E2F8: variants seen among roughly 807,000 people sequenced by gnomAD.
E2F8 encodes the protein E2F transcription factor 8.
In E2F8, 35 loss-of-function variants were observed where a neutral mutation model predicts 80.8. The ratio of observed to expected loss-of-function variants is 0.43; its 90% CI spans 0.33 to 0.57. The LOEUF is 0.57. Ranked by LOEUF, E2F8 falls within the 20% of genes least tolerant of loss-of-function variation. E2F8 has a pLI of 0.04. For missense variants in E2F8, 975 were observed against 1,056.2 expected, an observed-to-expected ratio of 0.92 and a Z score of 1.07; for synonymous variants, 386 against 395.0, an observed-to-expected ratio of 0.98 and a Z score of 0.27.
chr11:19,236,324 C>G (rs958690998), intron 4 of E2F8, among the ~76,000 whole-genome samples: 4 of 152,208 alleles, frequency 2.6e-5, no homozygotes. Flanking sequence ...ACTCCTGATC[C>G]CTTGATCCTG....
Position 19,230,634 on chromosome 11 carries a change from T to C in E2F8, c.1267A>G (p.Lys423Glu), listed in dbSNP as rs1298794600. The change falls in exon 8 of 13, where the codon AAA becomes GAA. Residue 423 changes from lysine to glutamate, a missense_variant. Physicochemically the swap from Lys to Glu is moderately conservative, Grantham distance 56. Coordinates refer to ENST00000250024, the MANE Select transcript of E2F8 (RefSeq NM_024680.4). ...SAPSSPIKTN[K>E]AESSQNSAPF... The stretch of plus-strand genomic sequence containing the variant: ...CCTGACATTCCTGAAAACATACCTT[T>C]GTTGGTCTTGATAGGGCTACTGGGC... 2.5e-6 allele frequency: 4 copies of C among 1,613,956 alleles called. No individual in the cohort carries two copies. The Admixed American group carries it at 6.7e-5, about 27-fold the overall frequency.
At chr11:19,236,523 G>A (rs1018833622) in intron 4 of E2F8, among the ~76,000 whole-genome samples, 5 of 152,166 alleles carry the variant, frequency 3.3e-5, no homozygotes, top group African/African-American at 4.8e-5. Flanking sequence ...CATAGTAGTA[G>A]AAGATTAATA....
Position 19,234,763 on chromosome 11 carries a change from A to G in E2F8, c.747T>C (p.Pro249=). 1.2e-6 allele frequency: 2 copies of G among 1,612,516 alleles called. No homozygotes were observed. The highest frequency in any genetic ancestry group is 1.7e-6 in the Non-Finnish European group (2 of 1,178,920). ...TCTCACCTGCCCGAAATTCCACTCC[A>G]GGGAGTTCCACAAAACACATGTCTG... The part of the protein sequence containing the change: ...GHPDMCFVEL[P]GVEFRAASVN... The change falls in exon 5 of 13, where the codon CCT becomes CCC. Residue 249 remains proline (P), a synonymous_variant. Transcript: ENST00000250024.
chr11:19,228,917 C>T (rs1052153333), intron 10 of E2F8, among the ~76,000 whole-genome samples: 1 of 152,256 alleles, frequency 6.6e-6, no homozygotes, highest in African/African-American at 2.4e-5. Flanking sequence ...GAAACCAATA[C>T]ATGAACTATA....
rs959724941 is a variant in E2F8 at position 19,237,600 on chromosome 11, G to A, written c.295-130C>T. ...TTCAACAGCTGCAAAGTCTGGATGGGAGAAAAGGTTAGGGGGGCCAGTACA... is the reference window on the plus strand; with the variant it reads ...TTCAACAGCTGCAAAGTCTGGATGGAAGAAAAGGTTAGGGGGGCCAGTACA... On this transcript the variant is annotated intron_variant, in intron 3 of 12. Coordinates refer to ENST00000250024, the MANE Select transcript of E2F8 (RefSeq NM_024680.4). 11 of 1,133,072 alleles carry A rather than the reference G, an allele frequency of 9.7e-6. No individual in the cohort carries two copies. In the South Asian group the frequency reaches 1.6e-4, roughly 17 times the overall value. 70.2% of individuals were successfully genotyped at this position (1,133,072 alleles called of 1,614,324 possible). A position where few individuals can be genotyped will look rare whatever the true frequency, so the allele number is the denominator to read the frequency against.
At chr11:19,232,719 G>T (rs1426276562) in intron 6 of E2F8, among the ~76,000 whole-genome samples, 2 of 152,174 alleles carry the variant, frequency 1.3e-5, no homozygotes, top group African/African-American at 2.4e-5. Flanking sequence ...GGATTCAGAA[G>T]AATTTTATGA....
chr11:19,230,650 G>A lies in E2F8; in HGVS notation c.1251C>T (p.Ser417=). The A allele has an allele frequency of 2.5e-6, 4 of 1,614,156 alleles. No individual in the cohort carries two copies. The highest frequency in any genetic ancestry group is 3.4e-6 in the Non-Finnish European group (4 of 1,180,028). The change falls in exon 8 of 13, where the codon AGC becomes AGT. Residue 417 remains serine, a synonymous_variant. Coordinates refer to ENST00000250024, the MANE Select transcript of E2F8 (RefSeq NM_024680.4). ...ACATACCTTTGTTGGTCTTGATAGG[G>A]CTACTGGGCGCAGAATTTATCTTTC... The part of the protein sequence containing the change: ...DRRKINSAPS[S]PIKTNKAESS...
At chr11:19,230,150 G>A (rs1015153111) in intron 9 of E2F8, 91 bp downstream of exon 9, 176 of 1,495,186 alleles carry the variant, frequency 1.2e-4, no homozygotes, top group Non-Finnish European at 1.5e-4. Flanking sequence ...TCCAGTTCAA[G>A]GCTAGGGCTT....
intron 4 of E2F8, among the ~76,000 whole-genome samples, chr11:19,236,763 A>G (rs531268156): frequency 6.6e-6 from 1 of 152,322 alleles, no homozygotes; most frequent in East Asian, 1.9e-4. Context: ...AGGTACCCCA[A>G]ATTCACCACG....
intron 3 of E2F8, 46 bp from the exon 4 acceptor site, chr11:19,237,516 G>A: frequency 6.3e-7 from 1 of 1,580,780 alleles, no homozygotes; most frequent in Non-Finnish European, 8.6e-7. Context: ...AATAAAGTCT[G>A]ACAGATTTAT....
intron 10 of E2F8, among the ~76,000 whole-genome samples, chr11:19,228,621 A>G (rs1352971804): frequency 6.6e-6 from 1 of 152,224 alleles, no homozygotes; most frequent in African/African-American, 2.4e-5. Context: ...TAAATTCTTT[A>G]CCGATGCGGA....
chr11:19,229,494 T>A lies in E2F8; in HGVS notation c.1853A>T (p.Lys618Ile), dbSNP rs1295403586. Residue 618 changes from lysine to isoleucine, a missense_variant, in exon 10 of 13, where the codon AAA (lysine) becomes ATA (isoleucine). Lys to Ile is a moderately radical substitution (Grantham distance 102). Coordinates refer to ENST00000250024, the MANE Select transcript of E2F8 (RefSeq NM_024680.4). This position sits in a 1 kb window ranked among gnomAD's most constrained non-coding sequence, Gnocchi z 4.3. ...SMLEDSGSKK[K>I]FKEDLKGLEN... ...AAGTCCTTTTAGGTCCTCTTTAAAT[T>A]TCTTTTTGGAACCACTGTCCTCGAG... 2 of 1,614,094 alleles carry A rather than the reference T, an allele frequency of 1.2e-6. No individual in the cohort carries two copies. Among genetic ancestry groups the A allele is most frequent in the African/African-American group, 2.7e-5 (2 of 75,018 alleles).
At chr11:19,240,047 T>A (rs1270287771) in intron 2 of E2F8, 60 bp downstream of exon 2, 4 of 1,366,250 alleles carry the variant, frequency 2.9e-6, no homozygotes, top group Non-Finnish European at 3.9e-6. Flanking sequence ...AATTATGGAG[T>A]TAAATCAGGA....
At chr11:19,227,292 G>C (rs1851260551) in intron 10 of E2F8, among the ~76,000 whole-genome samples, 1 of 152,130 alleles carries the variant, frequency 6.6e-6, no homozygotes, top group African/African-American at 2.4e-5. Context: ...ATCTCTACTA[G>C]TAGGTGCCTT....
At chr11:19,234,650 A>C in intron 5 of E2F8, 94 bp downstream of exon 5, 1 of 1,526,388 alleles carries the variant, frequency 6.6e-7, no homozygotes, top group Non-Finnish European at 8.8e-7. Flanking sequence ...CATTAAAGGC[A>C]GCAGTAGCTT....
Position 19,225,431 on chromosome 11 carries a change from G to A in E2F8, c.2211C>T (p.Thr737=), listed in dbSNP as rs866300023. Residue 737 remains threonine, a synonymous_variant, in exon 12 of 13, where the codon ACC becomes ACT. Transcript: ENST00000250024. ...GTGAGATGAGTCCCAGGTGCTGCAG[G>A]GTGAAGTTTACAATGGCTGAGCTTG... ...QNPSSAIVNF[T]LQHLGLISPN... is the part of the protein sequence containing the mutation. 2 of 1,614,170 alleles carry A rather than the reference G, an allele frequency of 1.2e-6. No homozygotes were observed. The highest frequency in any genetic ancestry group is 1.1e-5 in the South Asian group (1 of 91,084).
rs1202797964 is a variant in E2F8, at chr11:19,225,503, C to T, written c.2139G>A (p.Gly713=). The T allele has an allele frequency of 6.2e-7, 1 of 1,614,168 alleles. No homozygotes were observed. The highest frequency in any genetic ancestry group is 8.5e-7 in the Non-Finnish European group (1 of 1,180,030). The change falls in exon 12 of 13, where the codon GGG becomes GGA. Residue 713 remains glycine (G), a synonymous_variant. Coordinates refer to ENST00000250024, the MANE Select transcript of E2F8 (RefSeq NM_024680.4). The part of the protein sequence containing the change: ...SPTSVAAVPV[G]NSPALASSHP... ...GGCTTGAAGCGAGAGCCGGGCTGTT[C>T]CCGACAGGTACGGCTGCCACGGAAG...
Position 19,229,489 on chromosome 11 carries a change from T to C in E2F8, c.1858A>G (p.Lys620Glu). 1 of 1,614,102 alleles carries C rather than the reference T, an allele frequency of 6.2e-7. No homozygotes were observed. The highest frequency in any genetic ancestry group is 1.1e-5 in the South Asian group (1 of 91,072). Reference protein sequence around the residue: ...LEDSGSKKKFKEDLKGLENVS... With the variant: ...LEDSGSKKKFEEDLKGLENVS... ...TTTTCAAGTCCTTTTAGGTCCTCTTTAAATTTCTTTTTGGAACCACTGTCC... is the reference window on the plus strand; with the variant it reads ...TTTTCAAGTCCTTTTAGGTCCTCTTCAAATTTCTTTTTGGAACCACTGTCC... The change falls in exon 10 of 13, where the codon AAA becomes GAA. Residue 620 changes from lysine (K) to glutamate (E), a missense_variant. Coordinates refer to ENST00000250024, the MANE Select transcript of E2F8 (RefSeq NM_024680.4). The surrounding 1 kb of genome is among the most constrained non-coding windows in gnomAD (Gnocchi z 4.3).
chr11:19,235,469 A>G (rs1851489962), intron 4 of E2F8, among the ~76,000 whole-genome samples: 1 of 152,194 alleles, frequency 6.6e-6, no homozygotes, highest in South Asian at 2.1e-4. Context: ...TAACATGGTG[A>G]AACCCAGTCT....
Sources: allele counts gnomAD v4.1 joint callset (sites outside exome capture counted in the v4.1 genomes callset), GRCh38; gene constraint gnomAD v4.1.1; non-coding constraint Gnocchi (gnomAD v3.1); transcripts MANE v1.5; gene names NCBI Gene and HGNC (gene_info 2026-07-23, HGNC 2026-07-21).